FHDC1: variants seen among roughly 807,000 people sequenced by gnomAD.
The protein encoded by FHDC1 is FH2 domain containing 1, also known as FH2 domain-containing protein 1.
In FHDC1, 25 loss-of-function variants were observed where a neutral mutation model predicts 52.6. The ratio of observed to expected loss-of-function variants is 0.48; its 90% CI spans 0.35 to 0.66. FHDC1 has a LOEUF of 0.66. Ranked by LOEUF, FHDC1 falls within the 30% of genes least tolerant of loss-of-function variation. The probability of loss-of-function intolerance (pLI) is 0.01; values close to 1 mark genes in which losing one functional copy is unlikely to be tolerated. For missense variants in FHDC1, 1,459 were observed against 1,452.8 expected (o/e 1.00, Z -0.07); for synonymous variants, 616 against 581.5 (o/e 1.06, Z -0.85).
intron 2 of FHDC1, among the ~76,000 whole-genome samples, chr4:152,945,006 C>T (rs1411527994): frequency 2.0e-5 from 3 of 152,096 alleles, no homozygotes; most frequent in Non-Finnish European, 4.4e-5. Flanking sequence ...ATTGGGTGGA[C>T]CCATGTGGAA....
rs1739618124 is a variant in FHDC1 at position 152,943,047 on chromosome 4, G to A, written c.-11G>A. On this transcript the variant is annotated 5_prime_UTR_variant, in exon 2 of 12. Coordinates refer to ENST00000511601, the MANE Select transcript of FHDC1 (RefSeq NM_001371116.1). ...GGCCAAGAAATTATCTCCATAGGAG[G>A]CAACAGTACTATGCATGTTATGAAT... 1.3e-6 allele frequency: 2 copies of A among 1,596,960 alleles called. No homozygotes were observed. Among genetic ancestry groups the A allele is most frequent in the Non-Finnish European group, 1.7e-6 (2 of 1,168,998 alleles).
intron 11 of FHDC1, 111 bp downstream of exon 11, chr4:152,972,652 G>A (rs1321566393): frequency 7.9e-7 from 1 of 1,272,334 alleles, no homozygotes; most frequent in African/African-American, 1.5e-5. Context: ...CACGGTTTCG[G>A]GGACATCTGG....
chr4:152,932,537 G>A (rs1407853808), upstream of FHDC1, among the ~76,000 whole-genome samples: 1 of 152,186 alleles, frequency 6.6e-6, no homozygotes, highest in African/African-American at 2.4e-5. Flanking sequence ...CAGAGGATTG[G>A]CAAGCCTTTG....
intron 4 of FHDC1, among the ~76,000 whole-genome samples, chr4:152,959,313 C>T (rs1740202731): frequency 6.6e-6 from 1 of 152,216 alleles, no homozygotes. Flanking sequence ...GTGGGGAAGG[C>T]ATGATTTGTG....
chr4:152,930,997 A>ACACTCT, the FHDC1 span, among the ~76,000 whole-genome samples: 52 of 113,248 alleles, frequency 4.6e-4, no homozygotes, highest in African/African-American at 1.4e-3. Context: ...ACACACACAC[A>ACACTCT]CTCTCTCTCT....
At chr4:152,922,692 G>C in the FHDC1 span, among the ~76,000 whole-genome samples, 1 of 152,168 alleles carries the variant, frequency 6.6e-6, no homozygotes, top group African/African-American at 2.4e-5. Flanking sequence ...GGGATGCAAG[G>C]CTGGTTCAAT....
chr4:152,973,686 C>T (rs1348822640), intron 11 of FHDC1, among the ~76,000 whole-genome samples: 1 of 152,236 alleles, frequency 6.6e-6, no homozygotes, highest in Admixed American at 6.5e-5. Context: ...CCAAGAGTCC[C>T]CGGCTAGAGC....
Position 152,968,106 on chromosome 4 carries a change from G to C in FHDC1, c.1218+9G>C. On this transcript the variant is annotated intron_variant, in intron 10 of 11. Coordinates refer to ENST00000511601, the MANE Select transcript of FHDC1 (RefSeq NM_001371116.1). ...TGGAAGATTTTCTTCAGGTTTGTAG[G>C]TGACTCAAGTCAGTCCCTCTAATCT... 6.2e-7 allele frequency: 1 copy of C among 1,604,644 alleles called. No individual in the cohort carries two copies.
chr4:152,917,331 A>G, the FHDC1 span, among the ~76,000 whole-genome samples: 1 of 152,234 alleles, frequency 6.6e-6, no homozygotes, highest in African/African-American at 2.4e-5. Flanking sequence ...GCTTAAAAAT[A>G]AGTATTTATA....
At chr4:152,962,416 G>C (rs900117113) in intron 6 of FHDC1, among the ~76,000 whole-genome samples, 2 of 152,038 alleles carry the variant, frequency 1.3e-5, no homozygotes, top group Non-Finnish European at 2.9e-5. Flanking sequence ...CCATAAATGC[G>C]GTCTCTTTGA....
rs1036738143 is a variant in FHDC1 at position 152,943,531 on chromosome 4, A to T, written c.474A>T (p.Ser158=). Residue 158 remains serine, a synonymous_variant, in exon 2 of 12, where the codon TCA becomes TCT. Transcript: ENST00000511601. ...CTAGGAGAGGAAGAACTTTAAATTC[A>T]TCCTTCAGAGAAGCTCGAGAAGAGG... is the stretch of plus-strand genomic sequence containing the variant. The part of the protein sequence containing the change: ...SLPRRGRTLN[S]SFREAREEIT... 9.9e-6 allele frequency: 16 copies of T among 1,613,466 alleles called. No individual in the cohort carries two copies. In the East Asian group the frequency reaches 3.3e-4, roughly 34 times the overall value.
At chr4:152,952,325 C>G (rs1448673669) in intron 2 of FHDC1, among the ~76,000 whole-genome samples, 1 of 150,362 alleles carries the variant, frequency 6.7e-6, no homozygotes, top group Non-Finnish European at 1.5e-5. Context: ...CAGTTCAAAT[C>G]TCACGCGATT....
intron 9 of FHDC1, among the ~76,000 whole-genome samples, chr4:152,966,774 A>G (rs1740469372): frequency 6.6e-6 from 1 of 152,142 alleles, no homozygotes; most frequent in Non-Finnish European, 1.5e-5. Context: ...CATTCTGCCT[A>G]TCTTGATTTG....
chr4:152,926,691 T>C, the FHDC1 span, among the ~76,000 whole-genome samples: 4 of 151,470 alleles, frequency 2.6e-5, no homozygotes, highest in Non-Finnish European at 4.4e-5. Flanking sequence ...TCTTTTTCCC[T>C]TTTTTTCTTT....
intron 1 of FHDC1, among the ~76,000 whole-genome samples, chr4:152,940,023 AGT>A (rs1489333814): frequency 1.3e-5 from 2 of 152,182 alleles, no homozygotes; most frequent in Non-Finnish European, 2.9e-5. Flanking sequence ...GTACCTGGAG[AGT>A]GTGTGTTTGC....
intron 10 of FHDC1, among the ~76,000 whole-genome samples, chr4:152,969,859 TG>T (rs1561213569): frequency 6.6e-6 from 1 of 152,018 alleles, no homozygotes; most frequent in Non-Finnish European, 1.5e-5. Context: ...TTAGTAGCGA[TG>T]GGGTTTCACC....
the FHDC1 span, among the ~76,000 whole-genome samples, chr4:152,917,367 T>A: frequency 6.6e-6 from 1 of 152,206 alleles, no homozygotes; most frequent in Non-Finnish European, 1.5e-5. Context: ...ATAATGGTTA[T>A]TTCCAATCCA....
chr4:152,960,399 A>C (rs1740242739), intron 4 of FHDC1, among the ~76,000 whole-genome samples, 166 bp from the exon 5 acceptor site: 2 of 152,240 alleles, frequency 1.3e-5, no homozygotes. Flanking sequence ...CTTTTAAAAA[A>C]ACCAAATAGC....
chr4:152,951,383 C>T (rs1302633030), intron 2 of FHDC1, among the ~76,000 whole-genome samples: 3 of 151,954 alleles, frequency 2.0e-5, no homozygotes, highest in African/African-American at 7.3e-5. Flanking sequence ...TCCCTTTACA[C>T]TGAACTTGAA....
Sources: gnomAD v4.1 joint callset for allele counts (sites outside exome capture counted in the v4.1 genomes callset) on GRCh38, gnomAD v4.1.1 for gene constraint, MANE v1.5 for transcripts, NCBI Gene and HGNC (gene_info 2026-07-23, HGNC 2026-07-21) for gene names.